Variants in SHROOM3 observed in about 807,000 individuals in gnomAD.
SHROOM3 encodes the protein shroom family member 3, also known as protein Shroom3.
SHROOM3 carries 47 observed loss-of-function variants against 138.6 expected under a neutral mutation model. That is an observed-to-expected ratio of 0.34 (90% CI 0.27 to 0.43). The LOEUF (loss-of-function observed/expected upper bound fraction) is 0.43, where lower values mean the gene tolerates loss of function less well. Ranked by LOEUF, SHROOM3 falls within the 20% of genes least tolerant of loss-of-function variation. The pLI, the probability that SHROOM3 is intolerant of heterozygous loss-of-function variation, is 1.00. For synonymous variants in SHROOM3, 1,062 were observed against 1,063.3 expected (o/e 1.00, Z 0.02); for missense variants, 2,491 against 2,596.5 (o/e 0.96, Z 0.88).
At chr4:76,672,420 A>G (rs975884629) in intron 2 of SHROOM3, among the ~76,000 whole-genome samples, 3 of 5,368 alleles carry the variant, frequency 5.6e-4, no homozygotes, top group African/African-American at 2.1e-3. Flanking sequence ...ATTAGGGACC[A>G]AAAAAAAAAA....
intron 3 of SHROOM3, among the ~76,000 whole-genome samples, chr4:76,718,306 C>CA (rs1265542442): frequency 2.0e-5 from 3 of 152,076 alleles, no homozygotes; most frequent in African/African-American, 7.2e-5. Context: ...TCTGTTTGAG[C>CA]AGTGGTAGTT....
chr4:76,474,568 A>G (rs924668102), intron 1 of SHROOM3, among the ~76,000 whole-genome samples: 1 of 152,234 alleles, frequency 6.6e-6, no homozygotes, highest in Non-Finnish European at 1.5e-5. Flanking sequence ...ATATAAATTG[A>G]AATCAAATTA....
At chr4:76,604,788 C>T (rs1321673232) in intron 2 of SHROOM3, among the ~76,000 whole-genome samples, 4 of 152,100 alleles carry the variant, frequency 2.6e-5, no homozygotes, top group Non-Finnish European at 5.9e-5. Flanking sequence ...AGTGACCTTG[C>T]GTTCAAAATA....
chr4:76,595,822 T>C (rs1734370758), intron 2 of SHROOM3, among the ~76,000 whole-genome samples: 1 of 152,170 alleles, frequency 6.6e-6, no homozygotes, highest in Non-Finnish European at 1.5e-5. Context: ...GAGTAAACAA[T>C]TATGAGGGCC....
intron 2 of SHROOM3, among the ~76,000 whole-genome samples, chr4:76,679,756 A>AT (rs1719138015): frequency 6.6e-6 from 1 of 152,282 alleles, no homozygotes; most frequent in Admixed American, 6.5e-5. Context: ...CATCCTGCAC[A>AT]TAACCACCTC....
chr4:76,673,782 C>G (rs1447856545), intron 2 of SHROOM3, among the ~76,000 whole-genome samples: 1 of 152,192 alleles, frequency 6.6e-6, no homozygotes, highest in Admixed American at 6.5e-5. Context: ...TACAACAGAT[C>G]TCCTGAACTT....
chr4:76,661,701 T>C (rs1736191858), intron 2 of SHROOM3, among the ~76,000 whole-genome samples: 1 of 152,222 alleles, frequency 6.6e-6, no homozygotes, highest in Non-Finnish European at 1.5e-5. Flanking sequence ...TTTGTTGATA[T>C]TTGTCACTCA....
chr4:76,483,998 G>C (rs922561680), intron 1 of SHROOM3, among the ~76,000 whole-genome samples: 13 of 151,894 alleles, frequency 8.6e-5, no homozygotes, highest in African/African-American at 1.9e-4. Flanking sequence ...GTGGTGGGGT[G>C]GGGGGCTAGG....
intron 2 of SHROOM3, among the ~76,000 whole-genome samples, chr4:76,560,546 G>A (rs1733577538): frequency 6.6e-6 from 1 of 152,048 alleles, no homozygotes; most frequent in East Asian, 1.9e-4. Flanking sequence ...CCAACCTTCT[G>A]CATTAAGGTG....
chr4:76,772,146 C>T (rs1225854109), intron 10 of SHROOM3, among the ~76,000 whole-genome samples: 1 of 148,744 alleles, frequency 6.7e-6, no homozygotes, highest in Non-Finnish European at 1.5e-5. Context: ...CTCCGTCACC[C>T]AGGCTTGAGT....
intron 2 of SHROOM3, chr4:76,688,301 T>C: frequency 1.3e-6 from 1 of 747,376 alleles, no homozygotes; most frequent in East Asian, 1.3e-4. Flanking sequence ...GTAAAGAGGT[T>C]TATTCAGTGG....
At position 76,769,269 on chromosome 4, in the gene SHROOM3, T is replaced by TTA. The variant is rs1465507723; in HGVS notation, c.5350-1348_5350-1347dup. Among the ~76,000 whole-genome samples, 3 of 151,396 alleles carry TTA rather than the reference T, an allele frequency of 2.0e-5. No individual in the cohort carries two copies. In the East Asian group the frequency reaches 5.8e-4, roughly 29 times the overall value. ...GTGTGTGTATATACACACACACCAA[T>TTA]TATATATATAGTATGCATGTGTGTA... On this transcript the variant is annotated intron_variant, in intron 9 of 10. Transcript: ENST00000296043.
chr4:76,686,456 CAATT>C, intron 2 of SHROOM3, among the ~76,000 whole-genome samples: 1 of 152,010 alleles, frequency 6.6e-6, no homozygotes. Context: ...TTTAAATATA[CAATT>C]AATTAAATGT....
chr4:76,490,443 C>T (rs560906948), intron 1 of SHROOM3, among the ~76,000 whole-genome samples: 11 of 151,814 alleles, frequency 7.2e-5, no homozygotes, highest in East Asian at 1.9e-4. Flanking sequence ...TTAGTAGAGA[C>T]GGGAGTTTTC....
Position 76,740,986 on chromosome 4 carries a change from C to T in SHROOM3, c.2813C>T (p.Ala938Val), listed in dbSNP as rs1351705358. 2.7e-6 allele frequency: 4 copies of T among 1,492,456 alleles called. No homozygotes were observed. The African/African-American group carries it at 5.6e-5, about 21-fold the overall frequency. 92.5% of individuals were successfully genotyped at this position (1,492,456 alleles called of 1,614,324 possible). ...GACGCACAGTCCCGTGTCTTGGGGG[C>T]CACCTCCTTTCGACGTCGAGACCTG... ...IKDAQSRVLGATSFRRRDLEL... is the reference protein window; with the variant it reads ...IKDAQSRVLGVTSFRRRDLEL... Residue 938 changes from alanine to valine, a missense_variant, in exon 5 of 11, where the codon GCC (alanine) becomes GTC (valine). Transcript: ENST00000296043. This position sits in a 1 kb window ranked among gnomAD's most constrained non-coding sequence, Gnocchi z 4.0.
rs1221742382 is a variant in SHROOM3, at chr4:76,781,852, T to C, written c.*2675T>C. 1.3e-5 allele frequency: 2 copies of C among 152,306 alleles called. No individual in the cohort carries two copies. Among genetic ancestry groups the C allele is most frequent in the Middle Eastern group, 3.4e-3 (1 of 294 alleles). 9.4% of individuals were successfully genotyped at this position (152,306 alleles called of 1,614,324 possible). A position where few individuals can be genotyped will look rare whatever the true frequency, so the allele number is the denominator to read the frequency against. On this transcript the variant is annotated 3_prime_UTR_variant, in exon 11 of 11. Transcript: ENST00000296043. The stretch of plus-strand genomic sequence containing the variant: ...AAGACCATGAGAACAGTAAGGAGCA[T>C]GTTGTTGGTCAGGGTTTCAGAATAC...
intron 1 of SHROOM3, among the ~76,000 whole-genome samples, chr4:76,542,519 GCAGGAGAGT>G (rs1246245903): frequency 1.3e-5 from 2 of 152,214 alleles, no homozygotes; most frequent in African/African-American, 4.8e-5. Context: ...AATGAAAGAA[GCAGGAGAGT>G]CAGTGTCAAA....
chr4:76,706,271 C>T (rs1039576385), intron 2 of SHROOM3, among the ~76,000 whole-genome samples: 1 of 151,948 alleles, frequency 6.6e-6, no homozygotes, highest in African/African-American at 2.4e-5. Context: ...TGTACCACCA[C>T]GCCCAGCTAA....
In SHROOM3 at chr4:76,441,974, G is replaced by A. The variant is rs555012393; in HGVS notation, c.168+5754G>A. On this transcript the variant is annotated intron_variant, in intron 1 of 10. Coordinates refer to ENST00000296043, the MANE Select transcript of SHROOM3 (RefSeq NM_020859.4). The stretch of plus-strand genomic sequence containing the variant: ...CAACCTCGAGTGATGTACCTACCTC[G>A]GCCTCCCAAAATTCCGAGATTACAG... Among the ~76,000 whole-genome samples, 3 of 152,140 alleles carry A rather than the reference G, an allele frequency of 2.0e-5. No individual in the cohort carries two copies. The South Asian group carries it at 6.2e-4, about 32-fold the overall frequency.
Sources: allele counts gnomAD v4.1 joint callset (sites outside exome capture counted in the v4.1 genomes callset), GRCh38; gene constraint gnomAD v4.1.1; non-coding constraint Gnocchi (gnomAD v3.1); transcripts MANE v1.5; gene names NCBI Gene and HGNC (gene_info 2026-07-23, HGNC 2026-07-21).